Variants in FBXO7 observed in about 807,000 individuals in gnomAD.
FBXO7 encodes the protein F-box protein 7.
In FBXO7, 31 loss-of-function variants were observed where a neutral mutation model predicts 50.2. The observed-to-expected ratio is 0.62, with a 90% CI of 0.46 to 0.83. The LOEUF is 0.83. Among genes scored for constraint, FBXO7 ranks in the 40% least tolerant of loss-of-function variants. The pLI is 0.00. For synonymous variants in FBXO7, 256 were observed against 253.1 expected (o/e 1.01, Z -0.11); for missense variants, 667 against 646.6 (o/e 1.03, Z -0.34).
At chr22:32,487,007 A>G (rs1286006585) in intron 4 of FBXO7, among the ~76,000 whole-genome samples, 1 of 151,346 alleles carries the variant, frequency 6.6e-6, no homozygotes, top group African/African-American at 2.4e-5. Flanking sequence ...GATACTTAAT[A>G]TAAAAAGAAT....
In FBXO7 at chr22:32,495,504, A is replaced by G; in HGVS notation, c.1156A>G (p.Arg386Gly). 6.3e-7 allele frequency: 1 copy of G among 1,576,020 alleles called. No homozygotes were observed. Among genetic ancestry groups the G allele is most frequent in the South Asian group, 1.1e-5 (1 of 88,672 alleles). ...CTTTTCCTTTGTAGACAATACTGTC[A>G]GAGTTCAAGACACAGATTGGAAAGA... is the stretch of plus-strand genomic sequence containing the variant. Reference protein sequence around the residue: ...YLRDFRDNTVRVQDTDWKELY... With the variant: ...YLRDFRDNTVGVQDTDWKELY... Residue 386 changes from arginine to glycine, a missense_variant, in exon 8 of 9, where the codon AGA (arginine) becomes GGA (glycine). Arg to Gly is a moderately radical substitution (Grantham distance 125). Coordinates refer to ENST00000266087, the MANE Select transcript of FBXO7 (RefSeq NM_012179.4).
At position 32,498,343 on chromosome 22, in the gene FBXO7, T is replaced by A; in HGVS notation, c.1382T>A (p.Ile461Asn). Residue 461 changes from isoleucine (I) to asparagine (N), a missense_variant, in exon 9 of 9, where the codon ATC becomes AAC. Coordinates refer to ENST00000266087, the MANE Select transcript of FBXO7 (RefSeq NM_012179.4). ...ACACTTCCCTATGTTGGAGACCCAA[T>A]CAGTTCACTCATTCCTGGTCCTGGG... ...RPTLPYVGDP[I>N]SSLIPGPGET... 1 of 1,614,102 alleles carries A rather than the reference T, an allele frequency of 6.2e-7. No individual in the cohort carries two copies. The highest frequency in any genetic ancestry group is 8.5e-7 in the Non-Finnish European group (1 of 1,180,014).
chr22:32,477,741 A>G (rs985528989), intron 1 of FBXO7, among the ~76,000 whole-genome samples: 3 of 152,202 alleles, frequency 2.0e-5, no homozygotes, highest in Non-Finnish European at 2.9e-5. Context: ...TCCTGTAAGG[A>G]TATTGAATAG....
chr22:32,495,273 G>GCA (rs1324950834), intron 7 of FBXO7, among the ~76,000 whole-genome samples: 2 of 152,074 alleles, frequency 1.3e-5, no homozygotes, highest in Non-Finnish European at 2.9e-5. Flanking sequence ...TTACCATGTA[G>GCA]CACAGAGCAG....
At chr22:32,476,647 T>G (rs1260481942) in intron 1 of FBXO7, among the ~76,000 whole-genome samples, 1 of 152,130 alleles carries the variant, frequency 6.6e-6, no homozygotes, top group African/African-American at 2.4e-5. Flanking sequence ...CAAGTGGAGC[T>G]AGGATTGTCA....
intron 1 of FBXO7, 106 bp downstream of exon 1, chr22:32,475,230 G>A: frequency 6.6e-7 from 1 of 1,520,572 alleles, no homozygotes; most frequent in South Asian, 1.2e-5. Context: ...GGCGTGGCCG[G>A]GCGATAGGCC....
chr22:32,489,152 CTT>C (rs1292571622), intron 5 of FBXO7: 1 of 152,172 alleles, frequency 6.6e-6, no homozygotes, highest in African/African-American at 2.4e-5. Context: ...GTTTCTCAAT[CTT>C]TTTATTCTCA....
rs778265071 is a variant in FBXO7 at position 32,484,098 on chromosome 22, A to C, written c.619A>C (p.Met207Leu). The change falls in exon 3 of 9, where the codon ATG (methionine) becomes CTG (leucine). Residue 207 changes from methionine to leucine, a missense_variant. Physicochemically the swap from Met to Leu is conservative, Grantham distance 15. Coordinates refer to ENST00000266087, the MANE Select transcript of FBXO7 (RefSeq NM_012179.4). ...DALIVLIHLL[M>L]LESGYIPQGT... ...CTTGATAGTGTTGATACATCTTCTC[A>C]TGTTGGAGTCAGGTTACATACCTCA... is the stretch of plus-strand genomic sequence containing the variant. The C allele has an allele frequency of 1.2e-5, 20 of 1,614,032 alleles. No individual in the cohort carries two copies. The highest frequency in any genetic ancestry group is 3.3e-5 in the Admixed American group (2 of 59,996).
chr22:32,479,884 G>A (rs715542), intron 2 of FBXO7, among the ~76,000 whole-genome samples: 89,135 of 151,858 alleles, frequency 0.59, 26,364 homozygotes, highest in East Asian at 0.69. Flanking sequence ...GATCTGGTCC[G>A]CTCATTAAGG....
At position 32,485,167 on chromosome 22, in the gene FBXO7, ACTCTCACCTGT is replaced by A; in HGVS notation, c.746_756del (p.Thr249SerfsTer18). 6 of 1,614,096 alleles carry A rather than the reference ACTCTCACCTGT, an allele frequency of 3.7e-6. No homozygotes were observed. The highest frequency in any genetic ancestry group is 5.1e-6 in the Non-Finnish European group (6 of 1,180,012). Reference sequence around the variant, plus strand: ...TCCTCTCTGCGAGGGCAGCTCCGCTACTCTCACCTGTGTGCCTTTGGGAAACCTGATTGTTG... The same window carrying A: ...TCCTCTCTGCGAGGGCAGCTCCGCTAGTGCCTTTGGGAAACCTGATTGTTG... On this transcript the variant is annotated frameshift_variant, in exon 4 of 9. Transcript: ENST00000266087. LOFTEE classifies it high-confidence loss of function.
intron 2 of FBXO7, among the ~76,000 whole-genome samples, chr22:32,479,839 G>A (rs116682288): frequency 0.012 from 1,801 of 152,084 alleles, 46 homozygotes; most frequent in African/African-American, 0.042. Context: ...TTCTATTATT[G>A]TTCCTAAGCT....
At chr22:32,482,717 TA>T (rs1443912767) in intron 2 of FBXO7, among the ~76,000 whole-genome samples, 1 of 152,188 alleles carries the variant, frequency 6.6e-6, no homozygotes, top group Non-Finnish European at 1.5e-5. Flanking sequence ...ATTTTGAAAA[TA>T]AAGACATTAT....
At position 32,480,106 on chromosome 22, in the gene FBXO7, C is replaced by T. The variant is rs969937713; in HGVS notation, c.417+831C>T. Among the ~76,000 whole-genome samples the T allele has an allele frequency of 2.6e-5, 4 of 152,286 alleles. No individual in the cohort carries two copies. In the East Asian group the frequency reaches 5.8e-4, roughly 22 times the overall value. ...CTTTGTCAGTTCTTCTTTTCCATTT[C>T]GGGTTCCATGGCTTTATTCCTCAGT... On this transcript the variant is annotated intron_variant, in intron 2 of 8. Coordinates refer to ENST00000266087, the MANE Select transcript of FBXO7 (RefSeq NM_012179.4).
intron 3 of FBXO7, 144 bp from the exon 4 acceptor site, chr22:32,484,924 G>A: frequency 1.2e-6 from 1 of 857,552 alleles, no homozygotes; most frequent in Non-Finnish European, 1.9e-6. Context: ...AAATATATTG[G>A]CAATGTTAAT....
chr22:32,486,298 A>G (rs901464400), intron 4 of FBXO7, among the ~76,000 whole-genome samples: 1 of 151,422 alleles, frequency 6.6e-6, no homozygotes, highest in Admixed American at 6.6e-5. Context: ...TTGATCTTTG[A>G]CATGTTGGAT....
At chr22:32,490,932 C>T (rs890016366) in intron 5 of FBXO7, 154 bp from the exon 6 acceptor site, 7 of 623,856 alleles carry the variant, frequency 1.1e-5, no homozygotes, top group Middle Eastern at 4.3e-4. Context: ...TCAAGTCTTG[C>T]ACTGTACTTC....
chr22:32,482,588 T>C (rs1271782656), intron 2 of FBXO7, among the ~76,000 whole-genome samples: 1 of 152,228 alleles, frequency 6.6e-6, no homozygotes, highest in African/African-American at 2.4e-5. Flanking sequence ...AAATTTTTAT[T>C]AGCTGGTAAC....
Position 32,479,102 on chromosome 22 carries a change from A to T in FBXO7, c.244A>T (p.Ile82Phe). The T allele has an allele frequency of 1.2e-6, 2 of 1,614,214 alleles. No homozygotes were observed. The highest frequency in any genetic ancestry group is 1.7e-6 in the Non-Finnish European group (2 of 1,180,040). ...GATATGTTTGATTCTTCAAGATGACATTCCAGCGCCTAATATACCTTCATC... is the reference window on the plus strand; with the variant it reads ...GATATGTTTGATTCTTCAAGATGACTTTCCAGCGCCTAATATACCTTCATC... ...DLICLILQDD[I>F]PAPNIPSSTD... Residue 82 changes from isoleucine (I) to phenylalanine (F), a missense_variant, in exon 2 of 9, where the codon ATT becomes TTT. Coordinates refer to ENST00000266087, the MANE Select transcript of FBXO7 (RefSeq NM_012179.4).
intron 5 of FBXO7, chr22:32,490,838 G>A (rs1482010918): frequency 2.2e-6 from 1 of 459,238 alleles, no homozygotes; most frequent in African/African-American, 2.0e-5. Flanking sequence ...TACAACTGCA[G>A]CCTATGAGCT....
Sources: gnomAD v4.1 joint callset for allele counts (sites outside exome capture counted in the v4.1 genomes callset) on GRCh38, gnomAD v4.1.1 for gene constraint, MANE v1.5 for transcripts, NCBI Gene and HGNC (gene_info 2026-07-23, HGNC 2026-07-21) for gene names.